Variants in MCMBP observed in about 807,000 individuals in gnomAD.
MCMBP encodes minichromosome maintenance complex binding protein, also known as mini-chromosome maintenance complex-binding protein.
Under a neutral mutation model 81.3 loss-of-function variants are expected in MCMBP, and 31 were observed. The observed-to-expected ratio is 0.38, with a 90% confidence interval of 0.29 to 0.51. The LOEUF is 0.51. Among genes scored for constraint, MCMBP ranks in the 20% least tolerant of loss-of-function variants. MCMBP has a pLI of 0.87. For missense variants in MCMBP, 645 were observed against 772.1 expected, an observed-to-expected ratio of 0.84 and a Z score of 1.95; for synonymous variants, 267 against 275.9, an observed-to-expected ratio of 0.97 and a Z score of 0.32.
At chr10:119,865,017 T>C (rs188004968) in intron 1 of MCMBP, among the ~76,000 whole-genome samples, 1 of 152,374 alleles carries the variant, frequency 6.6e-6, no homozygotes, top group East Asian at 1.9e-4. Context: ...TAAACAAATG[T>C]CAATTAGATC....
intron 2 of MCMBP, 56 bp from the exon 3 acceptor site, chr10:119,859,237 G>T: frequency 6.6e-7 from 1 of 1,516,816 alleles, no homozygotes; most frequent in Non-Finnish European, 9.0e-7. Flanking sequence ...ACAACATTAA[G>T]CATATATACA....
At position 119,872,599 on chromosome 10, in the gene MCMBP, G is replaced by C. The variant is rs1242059169; in HGVS notation, c.-15C>G. 2.5e-5 allele frequency: 29 copies of C among 1,170,100 alleles called. No homozygotes were observed. The highest frequency in any genetic ancestry group is 3.0e-5 in the Non-Finnish European group (28 of 941,560). 72.5% of individuals were successfully genotyped at this position (1,170,100 alleles called of 1,614,324 possible). ...CCACACGGCATCTCGCCAGGGGCCG[G>C]GGCCGGCGAAGACCGGGCGGAGGCG... is the stretch of plus-strand genomic sequence containing the variant. On this transcript the variant is annotated 5_prime_UTR_variant, in exon 1 of 16. Transcript: ENST00000369077.
At chr10:119,843,494 T>G in intron 8 of MCMBP, 68 bp from the exon 9 acceptor site, 2 of 1,488,792 alleles carry the variant, frequency 1.3e-6, no homozygotes, top group Non-Finnish European at 1.8e-6. Context: ...ATAATGTGCA[T>G]CTTGGAAAAC....
rs541786535 is a variant in MCMBP at position 119,856,571 on chromosome 10, T to C, written c.429+767A>G. Among the ~76,000 whole-genome samples the C allele has an allele frequency of 3.1e-4, 47 of 152,282 alleles. 1 individual carries two copies. The South Asian group carries it at 9.1e-3, about 30-fold the overall frequency. Reference sequence around the variant, plus strand: ...GTGACTAGAAAAAGGCAGAAAGGAATTTTTAGGCACAAGTTCTTTACTTTG... The same window carrying C: ...GTGACTAGAAAAAGGCAGAAAGGAACTTTTAGGCACAAGTTCTTTACTTTG... On this transcript the variant is annotated intron_variant, in intron 5 of 15. Transcript: ENST00000369077.
rs1853152827 is a variant in MCMBP, at chr10:119,859,073, A to G, written c.253T>C (p.Tyr85His). The change falls in exon 3 of 16, where the codon TAT (tyrosine) becomes CAT (histidine). Residue 85 changes from tyrosine to histidine, a missense_variant. Physicochemically the swap from Tyr to His is moderately conservative, Grantham distance 83 (BLOSUM62 2). Transcript: ENST00000369077. ...TTTGTGTTTTGGTTAACCGTTTCAT[A>G]AACTCCCATGTAAAACTCAGGGTCA... ...MFDPEFYMGV[Y>H]ETVNQNTKAH... 1 of 1,613,728 alleles carries G rather than the reference A, an allele frequency of 6.2e-7. No homozygotes were observed. The highest frequency in any genetic ancestry group is 1.7e-5 in the Admixed American group (1 of 59,970).
Position 119,853,181 on chromosome 10 carries a change from G to A in MCMBP, c.443C>T (p.Ala148Val), listed in dbSNP as rs992888374. 7.4e-6 allele frequency: 12 copies of A among 1,613,538 alleles called. No homozygotes were observed. The highest frequency in any genetic ancestry group is 4.0e-5 in the African/African-American group (3 of 74,896). The change falls in exon 6 of 16, where the codon GCA (alanine) becomes GTA (valine). Residue 148 changes from alanine (A) to valine (V), a missense_variant. Physicochemically the swap from Ala to Val is moderately conservative, Grantham distance 64 (BLOSUM62 0). Coordinates refer to ENST00000369077, the MANE Select transcript of MCMBP (RefSeq NM_001256378.2). ...STWVKEAYVN[A>V]NQARVSPSTS... ...TGAGGGACTGACTCGAGCTTGGTTT[G>A]CATTAACATAGGCGTTAAACGAAAA...
chr10:119,860,769 G>A (rs1288115979), intron 1 of MCMBP, among the ~76,000 whole-genome samples: 2 of 152,090 alleles, frequency 1.3e-5, no homozygotes, highest in African/African-American at 4.8e-5. Flanking sequence ...GGATCTGTTG[G>A]TTCCCTTATG....
chr10:119,852,887 G>A lies in MCMBP; in HGVS notation c.574+163C>T, dbSNP rs1182538752. On this transcript the variant is annotated intron_variant, in intron 6 of 15. Coordinates refer to ENST00000369077, the MANE Select transcript of MCMBP (RefSeq NM_001256378.2). ...AAGTGATGCCTAATTGCTCATTTGC[G>A]AAGCACAGTCTCATCAGAGTACTGT... 2.6e-5 allele frequency among the ~76,000 whole-genome samples: 4 copies of A among 152,186 alleles called. No homozygotes were observed. The East Asian group carries it at 7.7e-4, about 29-fold the overall frequency.
chr10:119,847,488 T>C, intron 8 of MCMBP, 125 bp downstream of exon 8: 3 of 515,504 alleles, frequency 5.8e-6, no homozygotes, highest in South Asian at 6.7e-5. Context: ...GGGGTGCAAG[T>C]GTTTACAACT....
intron 1 of MCMBP, among the ~76,000 whole-genome samples, chr10:119,864,006 T>TAAA (rs528533846): frequency 8.3e-5 from 12 of 144,818 alleles, no homozygotes; most frequent in African/African-American, 2.8e-4. Context: ...CAGTTGAACT[T>TAAA]AAAAAAAAAA....
chr10:119,857,352 T>C lies in MCMBP; in HGVS notation c.415A>G (p.Thr139Ala), dbSNP rs2134387168. 3.1e-6 allele frequency: 5 copies of C among 1,609,296 alleles called. No homozygotes were observed. The South Asian group carries it at 3.3e-5, about 11-fold the overall frequency. Residue 139 changes from threonine to alanine, a missense_variant, in exon 5 of 16, where the codon ACG (threonine) becomes GCG (alanine). Coordinates refer to ENST00000369077, the MANE Select transcript of MCMBP (RefSeq NM_001256378.2). ...FYCVPVPGES[T>A]WVKEAYVNAN... ...ATAAAGGATATTTCTTTTACCCACGTAGATTCCCCAGGCACCGGAACACAA... is the reference window on the plus strand; with the variant it reads ...ATAAAGGATATTTCTTTTACCCACGCAGATTCCCCAGGCACCGGAACACAA...
intron 1 of MCMBP, among the ~76,000 whole-genome samples, chr10:119,864,332 A>G (rs2456728): frequency 0.71 from 107,566 of 152,146 alleles, 38,268 homozygotes; most frequent in East Asian, 0.81. Flanking sequence ...TTTGTAATTT[A>G]TTACAGGAGA....
In MCMBP at chr10:119,843,251, T is replaced by TA; in HGVS notation, c.1000+2dup. 1 of 1,613,394 alleles carries TA rather than the reference T, an allele frequency of 6.2e-7. No homozygotes were observed. Among genetic ancestry groups the TA allele is most frequent in the Non-Finnish European group, 8.5e-7 (1 of 1,179,540 alleles). On this transcript the variant is annotated splice_region_variant and intron_variant, in intron 9 of 15. Transcript: ENST00000369077. ...TTGACTAGGCTGTAACACTTACACTTACAGGTTTTGCTCTCCTCTTTGTTA... is the reference window on the plus strand; with the variant it reads ...TTGACTAGGCTGTAACACTTACACTTAACAGGTTTTGCTCTCCTCTTTGTTA...
chr10:119,844,721 G>C (rs2134359043), intron 8 of MCMBP, among the ~76,000 whole-genome samples: 1 of 152,332 alleles, frequency 6.6e-6, no homozygotes, highest in East Asian at 1.9e-4. Context: ...TGGGTGGGCA[G>C]CATCTAATCA....
intron 1 of MCMBP, among the ~76,000 whole-genome samples, chr10:119,870,471 T>G (rs535786934): frequency 6.6e-6 from 1 of 151,564 alleles, no homozygotes; most frequent in East Asian, 1.9e-4. Context: ...TATTTCAAAA[T>G]AAAATACACA....
At chr10:119,865,437 CAA>C (rs757238708) in intron 1 of MCMBP, among the ~76,000 whole-genome samples, 2 of 152,214 alleles carry the variant, frequency 1.3e-5, no homozygotes, top group East Asian at 3.9e-4. Flanking sequence ...ACTAAAAATA[CAA>C]AAGTTAGCTG....
At chr10:119,869,939 C>T (rs1160236909) in intron 1 of MCMBP, among the ~76,000 whole-genome samples, 1 of 152,102 alleles carries the variant, frequency 6.6e-6, no homozygotes, top group African/African-American at 2.4e-5. Context: ...ATATAATAGC[C>T]CCTATCCACA....
intron 7 of MCMBP, among the ~76,000 whole-genome samples, chr10:119,848,524 A>T (rs566860662): frequency 3.9e-5 from 6 of 152,262 alleles, no homozygotes; most frequent in African/African-American, 1.2e-4. Context: ...GAGGCACGAG[A>T]ATTGCCTGAA....
chr10:119,864,981 A>G (rs1853401295), intron 1 of MCMBP, among the ~76,000 whole-genome samples: 1 of 152,240 alleles, frequency 6.6e-6, no homozygotes, highest in Admixed American at 6.5e-5. Context: ...GCACTTGAAA[A>G]GAATGTGTAT....
Sources: gnomAD v4.1 joint callset for allele counts (sites outside exome capture counted in the v4.1 genomes callset) on GRCh38, gnomAD v4.1.1 for gene constraint, MANE v1.5 for transcripts, NCBI Gene and HGNC (gene_info 2026-07-23, HGNC 2026-07-21) for gene names.